SKI: variants seen among roughly 807,000 people sequenced by gnomAD.
SKI encodes the protein SKI proto-oncogene.
A neutral mutation model predicts 59.3 loss-of-function variants in SKI; 23 were observed. The observed-to-expected ratio is 0.39, with a 90% CI of 0.28 to 0.55. SKI has a LOEUF of 0.55. SKI is among the 20% of genes least tolerant of loss of function. SKI has a pLI of 0.67. For synonymous variants in SKI, 673 were observed against 488.6 expected, an observed-to-expected ratio of 1.38 and a Z score of -4.98; for missense variants, 1,017 against 1,038.9, an observed-to-expected ratio of 0.98 and a Z score of 0.29.
intron 1 of SKI, among the ~76,000 whole-genome samples, chr1:2,274,019 C>T (rs1233262879): frequency 1.3e-5 from 2 of 151,848 alleles, no homozygotes; most frequent in Non-Finnish European, 2.9e-5. Context: ...AGCGCCCATG[C>T]GTGTGCGCAG....
chr1:2,256,124 A>C (rs1639269371), intron 1 of SKI, among the ~76,000 whole-genome samples: 1 of 133,216 alleles, frequency 7.5e-6, no homozygotes. Context: ...TTGTGTCCTG[A>C]CCTCTTTTCC....
At chr1:2,290,431 C>T (rs1261409149) in intron 1 of SKI, among the ~76,000 whole-genome samples, 1 of 152,216 alleles carries the variant, frequency 6.6e-6, no homozygotes, top group Non-Finnish European at 1.5e-5. Flanking sequence ...GAGCACCTCT[C>T]TGGCTGTTTG....
intron 1 of SKI, among the ~76,000 whole-genome samples, chr1:2,255,242 C>T (rs983236164): frequency 6.6e-5 from 10 of 152,120 alleles, no homozygotes; most frequent in South Asian, 4.1e-4. Flanking sequence ...GTGACCCCCA[C>T]GTACCTGAGT....
intron 1 of SKI, among the ~76,000 whole-genome samples, chr1:2,287,323 A>G (rs1640059677): frequency 6.8e-6 from 1 of 146,720 alleles, no homozygotes. Flanking sequence ...ATTTGGTGAG[A>G]AATGGAAATA....
chr1:2,250,661 A>G (rs1639125214), intron 1 of SKI, among the ~76,000 whole-genome samples: 1 of 152,196 alleles, frequency 6.6e-6, no homozygotes, highest in Non-Finnish European at 1.5e-5. Flanking sequence ...CTGAATTTCT[A>G]AAAGTAAGGG....
In SKI at chr1:2,268,719, G is replaced by C. The variant is rs1639550688; in HGVS notation, c.970-34259G>C. ...TGAGGGCTGCAGAGCAGCGTGCCCAGGGGCTGTAGGTGCAGTCCAGGGAGA... is the reference window on the plus strand; with the variant it reads ...TGAGGGCTGCAGAGCAGCGTGCCCACGGGCTGTAGGTGCAGTCCAGGGAGA... On this transcript the variant is annotated intron_variant, in intron 1 of 6. Coordinates refer to ENST00000378536, the MANE Select transcript of SKI (RefSeq NM_003036.4). This position sits in a 1 kb window ranked among gnomAD's most constrained non-coding sequence, Gnocchi z 5.0. Among the ~76,000 whole-genome samples, 1 of 152,372 alleles carries C rather than the reference G, an allele frequency of 6.6e-6. No homozygotes were observed. The highest frequency in any genetic ancestry group is 6.5e-5 in the Admixed American group (1 of 15,312).
intron 1 of SKI, among the ~76,000 whole-genome samples, chr1:2,242,821 C>A (rs996954625): frequency 1.3e-5 from 2 of 152,186 alleles, no homozygotes; most frequent in Admixed American, 1.3e-4. Flanking sequence ...AAGTATTTTT[C>A]GTAATTGGAT....
In SKI at chr1:2,306,801, C is replaced by G; in HGVS notation, c.*36C>G. 2 of 1,446,128 alleles carry G rather than the reference C, an allele frequency of 1.4e-6. No homozygotes were observed. The highest frequency in any genetic ancestry group is 1.8e-6 in the Non-Finnish European group (2 of 1,099,574). The allele number at this position is 1,446,128 out of a possible 1,614,324, so 89.6% of individuals were successfully genotyped here. ...TGCCGCCGCAGCGCCGCCGACAACGCGGGTGCAGGGGGGCGCGGCTGGGCG... is the reference window on the plus strand; with the variant it reads ...TGCCGCCGCAGCGCCGCCGACAACGGGGGTGCAGGGGGGCGCGGCTGGGCG... On this transcript the variant is annotated 3_prime_UTR_variant, in exon 7 of 7. Transcript: ENST00000378536.
chr1:2,261,698 C>A (rs1258685417), intron 1 of SKI, among the ~76,000 whole-genome samples: 1 of 152,246 alleles, frequency 6.6e-6, no homozygotes, highest in Non-Finnish European at 1.5e-5. Flanking sequence ...AAAGCAGTTT[C>A]ACTTCTTCCT....
intron 1 of SKI, among the ~76,000 whole-genome samples, chr1:2,231,658 G>A (rs1638640979): frequency 6.6e-6 from 1 of 152,240 alleles, no homozygotes; most frequent in Admixed American, 6.5e-5. Context: ...GCAATTCCCA[G>A]GCCATACTGA....
intron 1 of SKI, among the ~76,000 whole-genome samples, chr1:2,272,804 G>A (rs1048401053): frequency 3.3e-5 from 5 of 151,946 alleles, no homozygotes; most frequent in African/African-American, 1.2e-4. Context: ...CCTGGGACCG[G>A]TGAGGCAGTT....
chr1:2,240,674 T>G (rs1319727879), intron 1 of SKI: 4 of 985,294 alleles, frequency 4.1e-6, no homozygotes, highest in African/African-American at 3.5e-5. Context: ...GAAGTGAAGC[T>G]CTCTCTACTT....
intron 1 of SKI, among the ~76,000 whole-genome samples, chr1:2,256,472 G>A (rs7414828): frequency 0.048 from 7,277 of 152,308 alleles, 265 homozygotes; most frequent in Middle Eastern, 0.14. Flanking sequence ...TGGTCCAGAG[G>A]CCGATGGCCA....
In SKI at chr1:2,303,262, C is replaced by A. The variant is rs1288195969; in HGVS notation, c.1096-23C>A. 3 of 1,611,056 alleles carry A rather than the reference C, an allele frequency of 1.9e-6. No individual in the cohort carries two copies. Among genetic ancestry groups the A allele is most frequent in the African/African-American group, 1.3e-5 (1 of 74,900 alleles). ...GGCTTGTTTTTCTCCTGGTCACTCA[C>A]ACAGACAACTCTTTCTCGACAGAGC... is the stretch of plus-strand genomic sequence containing the variant. On this transcript the variant is annotated intron_variant, in intron 2 of 6. Coordinates refer to ENST00000378536, the MANE Select transcript of SKI (RefSeq NM_003036.4). The surrounding 1 kb of genome is among the most constrained non-coding windows in gnomAD (Gnocchi z 5.6).
intron 1 of SKI, chr1:2,240,929 G>A (rs1638857630): frequency 2.4e-6 from 1 of 420,190 alleles, no homozygotes; most frequent in Admixed American, 6.4e-5. Flanking sequence ...CAGCCCCTGA[G>A]ATGCCCTGGG....
chr1:2,287,621 T>C (rs1056620033), intron 1 of SKI, among the ~76,000 whole-genome samples: 2 of 151,920 alleles, frequency 1.3e-5, no homozygotes, highest in Admixed American at 1.3e-4. Context: ...TGCCTGTGGG[T>C]GGGGGTGGTC....
Position 2,230,958 on chromosome 1 carries a change from G to GGTGCATGTGTGT in SKI, c.969+1238_969+1249dup, listed in dbSNP as rs922401305. ...CCTCTGCTCGGAGGGGGCTGCGGAG[G>GGTGCATGTGTGT]GTGCATGTGTGTGTGCATGTGTGTG... On this transcript the variant is annotated intron_variant, in intron 1 of 6. Coordinates refer to ENST00000378536, the MANE Select transcript of SKI (RefSeq NM_003036.4). Among the ~76,000 whole-genome samples the GGTGCATGTGTGT allele has an allele frequency of 2.1e-4, 32 of 152,274 alleles. No homozygotes were observed. In the South Asian group the frequency reaches 5.8e-3, roughly 28 times the overall value.
At chr1:2,285,397 C>T (rs1230113810) in intron 1 of SKI, among the ~76,000 whole-genome samples, 1 of 151,440 alleles carries the variant, frequency 6.6e-6, no homozygotes. Flanking sequence ...TGCCTGTAAT[C>T]CCAGCTACTA....
intron 1 of SKI, among the ~76,000 whole-genome samples, chr1:2,233,113 G>A (rs1258324498): frequency 6.6e-6 from 1 of 152,190 alleles, no homozygotes; most frequent in Non-Finnish European, 1.5e-5. Flanking sequence ...CGTCAGCCAA[G>A]CGCTTTCCGT....
Sources: allele counts gnomAD v4.1 joint callset (sites outside exome capture counted in the v4.1 genomes callset), GRCh38; gene constraint gnomAD v4.1.1; non-coding constraint Gnocchi (gnomAD v3.1); transcripts MANE v1.5; gene names NCBI Gene and HGNC (gene_info 2026-07-23, HGNC 2026-07-21).